The following CTNND2 variants were observed in gnomAD, a reference collection of about 807,000 sequenced individuals.
The protein encoded by CTNND2 is catenin delta-2.
In CTNND2, 22 loss-of-function variants were observed where a neutral mutation model predicts 144.4. The ratio of observed to expected loss-of-function variants is 0.15; its 90% CI spans 0.11 to 0.22. The LOEUF is 0.22. CTNND2 is among the 10% of genes least tolerant of loss of function. CTNND2 has a pLI of 1.00. For synonymous variants in CTNND2, 751 were observed against 695.6 expected (o/e 1.08, Z -1.25); for missense variants, 1,353 against 1,618.8 (o/e 0.84, Z 2.82).
At chr5:11,529,288 T>C (rs573484030) in intron 3 of CTNND2, among the ~76,000 whole-genome samples, 1 of 152,274 alleles carries the variant, frequency 6.6e-6, no homozygotes, top group South Asian at 2.1e-4. Context: ...AACAGAGATA[T>C]TGTGTTTAGG....
intron 3 of CTNND2, among the ~76,000 whole-genome samples, chr5:11,471,210 C>T (rs1262705606): frequency 1.3e-5 from 2 of 151,804 alleles, no homozygotes. Context: ...ATCTCCTGAC[C>T]TCATGATCCA....
At chr5:11,486,650 G>A (rs1361729940) in intron 3 of CTNND2, among the ~76,000 whole-genome samples, 1 of 151,942 alleles carries the variant, frequency 6.6e-6, no homozygotes, top group Non-Finnish European at 1.5e-5. Context: ...GAGAAACAGA[G>A]GGAGGAAGAA....
At chr5:11,810,621 CATT>C (rs1299444870) in intron 1 of CTNND2, among the ~76,000 whole-genome samples, 2 of 152,086 alleles carry the variant, frequency 1.3e-5, no homozygotes, top group African/African-American at 4.8e-5. Context: ...TCAGAAAAAT[CATT>C]ATCTTGAAAA....
At chr5:11,646,647 TC>T (rs201758494) in intron 2 of CTNND2, among the ~76,000 whole-genome samples, 50,600 of 151,686 alleles carry the variant, frequency 0.33, 9,289 homozygotes, top group African/African-American at 0.49. Context: ...CAAGTAAATT[TC>T]GTTTACTTGA....
intron 12 of CTNND2, among the ~76,000 whole-genome samples, chr5:11,142,339 C>G (rs1364091990): frequency 6.6e-6 from 1 of 152,122 alleles, no homozygotes; most frequent in African/African-American, 2.4e-5. Context: ...CCCTATTCCA[C>G]AGAGAAATTA....
intron 1 of CTNND2, among the ~76,000 whole-genome samples, chr5:11,818,397 T>A (rs552959279): frequency 3.3e-5 from 5 of 151,752 alleles, no homozygotes; most frequent in African/African-American, 4.8e-5. Flanking sequence ...TTTTTTTTTT[T>A]CCTCGCTGTC....
chr5:11,427,936 G>C (rs1302281834), intron 3 of CTNND2, among the ~76,000 whole-genome samples: 7 of 152,154 alleles, frequency 4.6e-5, no homozygotes, highest in Non-Finnish European at 1.0e-4. Context: ...ACATGGCTGG[G>C]GAGGCCTCAG....
chr5:11,474,003 A>G (rs1456194536), intron 3 of CTNND2, among the ~76,000 whole-genome samples: 5 of 152,336 alleles, frequency 3.3e-5, no homozygotes, highest in Admixed American at 6.5e-5. Context: ...TTTCTTAATA[A>G]GCAGTAATCG....
At chr5:11,023,600 G>A (rs1428223267) in intron 16 of CTNND2, among the ~76,000 whole-genome samples, 1 of 152,200 alleles carries the variant, frequency 6.6e-6, no homozygotes, top group African/African-American at 2.4e-5. Context: ...CTATAACTAT[G>A]TGTCCTCTGA....
At chr5:11,524,263 T>A (rs765710335) in intron 3 of CTNND2, among the ~76,000 whole-genome samples, 1 of 152,256 alleles carries the variant, frequency 6.6e-6, no homozygotes, top group East Asian at 1.9e-4. Flanking sequence ...CCCTTTCACC[T>A]CCTAACAAAA....
intron 3 of CTNND2, among the ~76,000 whole-genome samples, chr5:11,443,225 ATGTGTGTGTGATG>A (rs1174486769): frequency 5.2e-3 from 271 of 52,572 alleles, no homozygotes; most frequent in Admixed American, 0.012. Flanking sequence ...TGTGGTGTGT[ATGTGTGTGTGATG>A]TGTGTGTGTG....
intron 2 of CTNND2, among the ~76,000 whole-genome samples, chr5:11,687,576 G>A (rs1784712717): frequency 6.6e-6 from 1 of 152,166 alleles, no homozygotes; most frequent in African/African-American, 2.4e-5. Flanking sequence ...ACATGGCTTA[G>A]GTGTGAGGAT....
chr5:11,499,068 C>T (rs1045775917), intron 3 of CTNND2, among the ~76,000 whole-genome samples: 5 of 152,078 alleles, frequency 3.3e-5, no homozygotes, highest in Non-Finnish European at 7.4e-5. Flanking sequence ...TTCTTAGATA[C>T]ATAGGTTTAT....
At chr5:11,810,270 T>C (rs910179971) in intron 1 of CTNND2, among the ~76,000 whole-genome samples, 2 of 152,176 alleles carry the variant, frequency 1.3e-5, no homozygotes, top group African/African-American at 4.8e-5. Flanking sequence ...GATTATGACG[T>C]AAGCTTTAAA....
chr5:11,386,862 G>T (rs924083916), intron 6 of CTNND2, among the ~76,000 whole-genome samples: 1 of 152,112 alleles, frequency 6.6e-6, no homozygotes, highest in African/African-American at 2.4e-5. Context: ...TGGAGGATGG[G>T]TAACGAACAC....
intron 3 of CTNND2, among the ~76,000 whole-genome samples, chr5:11,514,876 C>T (rs1772018023): frequency 6.6e-6 from 1 of 152,148 alleles, no homozygotes; most frequent in South Asian, 2.1e-4. Flanking sequence ...GATCGTGGCT[C>T]ACTGCAACTT....
At chr5:11,153,655 G>C (rs182031647) in intron 12 of CTNND2, among the ~76,000 whole-genome samples, 1 of 152,250 alleles carries the variant, frequency 6.6e-6, no homozygotes, top group South Asian at 2.1e-4. Flanking sequence ...AATTACAATC[G>C]TAAGCAAAGG....
intron 9 of CTNND2, among the ~76,000 whole-genome samples, chr5:11,307,064 A>T (rs918214928): frequency 6.6e-6 from 1 of 151,338 alleles, no homozygotes; most frequent in Non-Finnish European, 1.5e-5. Context: ...CCATGGGCTT[A>T]GTTAAATGAG....
At position 11,656,418 on chromosome 5, in the gene CTNND2, GAA is replaced by G. The variant is rs11430294; in HGVS notation, c.174+75716_174+75717del. Reference sequence around the variant, plus strand: ...TCTATACCCCTGCTGAACACTCCCAGAAAAAAAAAAAATATACTAATGTGAAC... The same window carrying G: ...TCTATACCCCTGCTGAACACTCCCAGAAAAAAAAAATATACTAATGTGAAC... On this transcript the variant is annotated intron_variant, in intron 2 of 21. Transcript: ENST00000304623. 4.4e-3 allele frequency among the ~76,000 whole-genome samples: 642 copies of G among 146,872 alleles called. 5 individuals are homozygous for G. The highest frequency in any genetic ancestry group is 0.015 in the African/African-American group (608 of 39,714).
Sources: gnomAD v4.1 joint callset for allele counts (sites outside exome capture counted in the v4.1 genomes callset) on GRCh38, gnomAD v4.1.1 for gene constraint, MANE v1.5 for transcripts, NCBI Gene and HGNC (gene_info 2026-07-23, HGNC 2026-07-21) for gene names.